CNGA1: variants seen among roughly 807,000 people sequenced by gnomAD.
The protein encoded by CNGA1 is cyclic nucleotide gated channel subunit alpha 1.
Under a neutral mutation model 69.7 loss-of-function variants are expected in CNGA1, and 53 were observed. That is an observed-to-expected ratio of 0.76 (90% CI 0.61 to 0.96). CNGA1 has a LOEUF of 0.96. Among genes scored for constraint, CNGA1 ranks in the 40% least tolerant of loss-of-function variants. CNGA1 has a pLI of 0.00. For missense variants in CNGA1, 739 were observed against 811.2 expected (o/e 0.91, Z 1.08); for synonymous variants, 249 against 283.5 (o/e 0.88, Z 1.22).
chr4:47,979,420 T>C (rs1424671837), intron 3 of CNGA1, among the ~76,000 whole-genome samples: 1 of 151,998 alleles, frequency 6.6e-6, no homozygotes, highest in Non-Finnish European at 1.5e-5. Context: ...GGACCAGCTG[T>C]GTAAATTTTG....
chr4:47,983,718 C>T (rs994562622), intron 2 of CNGA1, among the ~76,000 whole-genome samples: 1 of 152,030 alleles, frequency 6.6e-6, no homozygotes, highest in Non-Finnish European at 1.5e-5. Flanking sequence ...ATTTGGAAAC[C>T]CATGAAGTAA....
chr4:47,978,832 T>G (rs1335605152), intron 3 of CNGA1, among the ~76,000 whole-genome samples: 1 of 152,162 alleles, frequency 6.6e-6, no homozygotes, highest in Admixed American at 6.5e-5. Context: ...CAAAGAAATT[T>G]CTTTATAAAA....
intron 3 of CNGA1, among the ~76,000 whole-genome samples, chr4:47,953,305 T>C (rs1739855766): frequency 6.6e-6 from 1 of 152,220 alleles, no homozygotes; most frequent in Non-Finnish European, 1.5e-5. Flanking sequence ...TTATAAAACA[T>C]TTATAAATTT....
At chr4:47,949,929 T>G (rs1314062417) in intron 5 of CNGA1, 34 bp from the exon 6 acceptor site, 14 of 1,589,448 alleles carry the variant, frequency 8.8e-6, no homozygotes, top group Non-Finnish European at 1.2e-5. Context: ...GAAATCACAG[T>G]AGTCACCATC....
chr4:48,008,115 C>A (rs890191642), intron 2 of CNGA1, among the ~76,000 whole-genome samples: 1 of 152,020 alleles, frequency 6.6e-6, no homozygotes, highest in Non-Finnish European at 1.5e-5. Context: ...TTACATCAAA[C>A]CAAGTCTCTG....
intron 5 of CNGA1, 151 bp downstream of exon 5, chr4:47,951,202 G>C: frequency 1.5e-6 from 1 of 645,872 alleles, no homozygotes; most frequent in South Asian, 1.6e-5. Flanking sequence ...TATGCCTAGT[G>C]TTTGATTATT....
intron 2 of CNGA1, among the ~76,000 whole-genome samples, chr4:47,982,120 C>A (rs1199829173): frequency 6.6e-6 from 1 of 152,080 alleles, no homozygotes; most frequent in South Asian, 2.1e-4. Context: ...ACTCTAATAA[C>A]CTAAAAGTAA....
intron 3 of CNGA1, among the ~76,000 whole-genome samples, chr4:47,979,010 A>C (rs1741558653): frequency 6.6e-6 from 1 of 152,142 alleles, no homozygotes; most frequent in South Asian, 2.1e-4. Flanking sequence ...TCAAGTAGCT[A>C]TATTAGCATT....
At chr4:47,976,565 A>G (rs970375642) in intron 3 of CNGA1, among the ~76,000 whole-genome samples, 15 of 151,940 alleles carry the variant, frequency 9.9e-5, no homozygotes, top group Non-Finnish European at 2.1e-4. Context: ...CTGTAATTCC[A>G]CGGAGATTTT....
chr4:47,970,967 C>T (rs1383126322), intron 3 of CNGA1: 3 of 453,446 alleles, frequency 6.6e-6, no homozygotes, highest in African/African-American at 4.0e-5. Flanking sequence ...TCCAGCTTGG[C>T]CAACATGGTG....
intron 2 of CNGA1, among the ~76,000 whole-genome samples, chr4:47,999,955 C>A (rs1714587299): frequency 1.3e-5 from 2 of 151,968 alleles, no homozygotes; most frequent in Non-Finnish European, 2.9e-5. Flanking sequence ...CAAAATAAAT[C>A]ATTTATATAA....
chr4:47,943,118 T>A, intron 8 of CNGA1, 63 bp downstream of exon 8: 1 of 1,151,012 alleles, frequency 8.7e-7, no homozygotes, highest in Non-Finnish European at 1.3e-6. Flanking sequence ...TTATGGAAAA[T>A]CATCCCTGCA....
intron 6 of CNGA1, among the ~76,000 whole-genome samples, chr4:47,948,073 C>G (rs1739513287): frequency 6.6e-6 from 1 of 152,026 alleles, no homozygotes. Context: ...TATTCATTTG[C>G]TTTTTTGCCA....
chr4:48,013,230 G>A (rs1309862790), intron 1 of CNGA1, among the ~76,000 whole-genome samples: 2 of 152,170 alleles, frequency 1.3e-5, no homozygotes, highest in Non-Finnish European at 2.9e-5. Flanking sequence ...AAGGTCAGGG[G>A]CATCTCCACT....
intron 6 of CNGA1, among the ~76,000 whole-genome samples, chr4:47,947,929 A>G (rs1739503666): frequency 1.3e-5 from 2 of 152,222 alleles, no homozygotes; most frequent in African/African-American, 2.4e-5. Context: ...ACAGAGACCA[A>G]TGCTATGACT....
intron 3 of CNGA1, among the ~76,000 whole-genome samples, chr4:47,978,032 G>A (rs1741507536): frequency 6.6e-6 from 1 of 152,076 alleles, no homozygotes; most frequent in African/African-American, 2.4e-5. Flanking sequence ...CTCCATGTTG[G>A]TCAGGCTGGT....
chr4:47,943,649 A>T (rs1162947471), intron 6 of CNGA1, among the ~76,000 whole-genome samples: 1 of 152,228 alleles, frequency 6.6e-6, no homozygotes, highest in East Asian at 1.9e-4. Flanking sequence ...AAACAAATGG[A>T]GATGAATAAA....
chr4:47,995,389 C>A (rs1469408262), intron 2 of CNGA1, among the ~76,000 whole-genome samples: 1 of 152,034 alleles, frequency 6.6e-6, no homozygotes, highest in African/African-American at 2.4e-5. Context: ...AATGCAAAGA[C>A]CCTGTCTTCA....
intron 6 of CNGA1, among the ~76,000 whole-genome samples, chr4:47,948,450 G>A (rs765380280): frequency 1.2e-4 from 19 of 152,178 alleles, no homozygotes; most frequent in Non-Finnish European, 2.4e-4. Context: ...TCTAAGTAGG[G>A]GTGACAAATG....
Sources: allele counts gnomAD v4.1 joint callset (sites outside exome capture counted in the v4.1 genomes callset), GRCh38; gene constraint gnomAD v4.1.1; transcripts MANE v1.5; gene names NCBI Gene and HGNC (gene_info 2026-07-23, HGNC 2026-07-21).